CUX1: variants seen among roughly 807,000 people sequenced by gnomAD.
CUX1 encodes the protein protein CASP.
In CUX1, 31 loss-of-function variants were observed where a neutral mutation model predicts 158.8. The ratio of observed to expected loss-of-function variants is 0.20; its 90% CI spans 0.15 to 0.26. The LOEUF is 0.26. Among genes scored for constraint, CUX1 ranks in the 10% least tolerant of loss-of-function variants. The probability of loss-of-function intolerance (pLI) is 1.00; values close to 1 mark genes in which losing one functional copy is unlikely to be tolerated. For missense variants in CUX1, 1,589 were observed against 2,014.6 expected, an observed-to-expected ratio of 0.79 and a Z score of 4.04; for synonymous variants, 879 against 862.1, an observed-to-expected ratio of 1.02 and a Z score of -0.34.
rs530119104 is a variant in CUX1, at chr7:102,219,571, G to A, written c.3131-7796G>A. On this transcript the variant is annotated intron_variant, in intron 20 of 23. Coordinates refer to ENST00000292535, the MANE Select transcript of CUX1 (RefSeq NM_181552.4). ...AATTGGACCTTCGCGTCGGCCCCCC[G>A]CTGGCGTCAGGCATAGCTGCTCACC... Among the ~76,000 whole-genome samples, 14 of 152,318 alleles carry A rather than the reference G, an allele frequency of 9.2e-5. 1 individual carries two copies. The South Asian group carries it at 1.9e-3, about 20-fold the overall frequency.
intron 2 of CUX1, among the ~76,000 whole-genome samples, chr7:101,969,190 C>T (rs1291683218): frequency 1.3e-5 from 2 of 151,520 alleles, no homozygotes; most frequent in Non-Finnish European, 2.9e-5. Context: ...AAAAAATTAG[C>T]TGAGCGTGGT....
At chr7:102,232,293 C>T (rs1421709854) in intron 21 of CUX1, among the ~76,000 whole-genome samples, 1 of 151,994 alleles carries the variant, frequency 6.6e-6, no homozygotes, top group Non-Finnish European at 1.5e-5. Flanking sequence ...CCAGCCTGGG[C>T]AATATAGCGA....
intron 2 of CUX1, among the ~76,000 whole-genome samples, chr7:101,951,010 A>G (rs911536622): frequency 6.6e-5 from 10 of 152,146 alleles, no homozygotes; most frequent in African/African-American, 1.9e-4. Flanking sequence ...CCAAGATACA[A>G]TTCTGATTGA....
chr7:102,277,561 T>C lies in CUX1; in HGVS notation c.1564-388T>C, dbSNP rs991882375. ...CAGTGAGCCGAGATTGATTGCGTCG[T>C]TGCACTCCAGCCTGGGCAACAAGAG... On this transcript the variant is annotated intron_variant, in intron 17 of 22. Transcript: ENST00000292538. Among the ~76,000 whole-genome samples, 7 of 151,916 alleles carry C rather than the reference T, an allele frequency of 4.6e-5. No homozygotes were observed. The East Asian group carries it at 1.4e-3, about 29-fold the overall frequency.
intron 1 of CUX1, among the ~76,000 whole-genome samples, chr7:101,833,817 CTG>C (rs1224999547): frequency 1.3e-5 from 2 of 152,062 alleles, no homozygotes; most frequent in African/African-American, 2.4e-5. Context: ...TGGTTTTATT[CTG>C]TGTTAGGAGG....
chr7:102,198,657 GA>G (rs1795058488), intron 15 of CUX1, 144 bp from the exon 16 acceptor site: 2 of 676,824 alleles, frequency 3.0e-6, no homozygotes. Context: ...CCTCTCAGAA[GA>G]TTCTAGAAAC....
At chr7:102,220,089 G>C (rs1797658344) in intron 20 of CUX1, among the ~76,000 whole-genome samples, 1 of 152,362 alleles carries the variant, frequency 6.6e-6, no homozygotes, top group East Asian at 1.9e-4. Flanking sequence ...GCCGGGCACA[G>C]TGGGATCACA....
chr7:101,943,484 G>C (rs550741213), intron 2 of CUX1, among the ~76,000 whole-genome samples: 1 of 152,034 alleles, frequency 6.6e-6, no homozygotes, highest in South Asian at 2.1e-4. Context: ...GCTCTCCCGC[G>C]CGGCGGCGGC....
Position 102,198,809 on chromosome 7 carries a change from A to G in CUX1, c.1902A>G (p.Pro634=), listed in dbSNP as rs1554519016. ...RSIQGRQREN[P]GQSLNRLFQE... ...ACACTTGTTTTTCAACAGAGAATCCAGGCCAGAGCCTGAACAGACTATTTC... is the reference window on the plus strand; with the variant it reads ...ACACTTGTTTTTCAACAGAGAATCCGGGCCAGAGCCTGAACAGACTATTTC... The change falls in exon 16 of 24, where the codon CCA becomes CCG. Residue 634 remains proline, a synonymous_variant. Transcript: ENST00000292535. 1 of 1,614,184 alleles carries G rather than the reference A, an allele frequency of 6.2e-7. No individual in the cohort carries two copies. The highest frequency in any genetic ancestry group is 1.1e-5 in the South Asian group (1 of 91,080).
At chr7:102,027,598 C>T (rs1222752294) in intron 2 of CUX1, among the ~76,000 whole-genome samples, 1 of 151,870 alleles carries the variant, frequency 6.6e-6, no homozygotes, top group African/African-American at 2.4e-5. Flanking sequence ...CGGTGGCTCA[C>T]ACCTGTAATC....
chr7:102,069,887 G>T (rs1437839713), intron 3 of CUX1, among the ~76,000 whole-genome samples: 2 of 152,196 alleles, frequency 1.3e-5, no homozygotes, highest in African/African-American at 4.8e-5. Context: ...ACTGCCTGAA[G>T]TTCCCTTCTG....
At position 101,916,177 on chromosome 7, in the gene CUX1, A is replaced by G. The variant is rs1209222698; in HGVS notation, c.93A>G (p.Arg31=). 3 of 1,614,084 alleles carry G rather than the reference A, an allele frequency of 1.9e-6. No homozygotes were observed. In the East Asian group the frequency reaches 6.7e-5, roughly 36 times the overall value. The change falls in exon 2 of 24, where the codon AGA becomes AGG. Residue 31 remains arginine, a synonymous_variant. Coordinates refer to ENST00000292535, the MANE Select transcript of CUX1 (RefSeq NM_181552.4). The surrounding 1 kb of genome is among the most constrained non-coding windows in gnomAD (Gnocchi z 4.4). ...GGCAGGATGAAAGTGAGCAGTCCAG[A>G]AAGCGGCTTATCGAACAGAGCCGGG... The part of the protein sequence containing the change: ...ANRQDESEQS[R]KRLIEQSREF...
chr7:102,065,753 C>T (rs10268506), intron 3 of CUX1, among the ~76,000 whole-genome samples: 20,971 of 151,464 alleles, frequency 0.14, 3,252 homozygotes, highest in African/African-American at 0.39. Flanking sequence ...GTTTTTATGC[C>T]GGTTTAGATA....
intron 4 of CUX1, among the ~76,000 whole-genome samples, chr7:102,077,726 G>A (rs372321): frequency 0.17 from 25,713 of 152,024 alleles, 2,304 homozygotes; most frequent in Non-Finnish European, 0.18. Flanking sequence ...ACCCTCTCAG[G>A]TAGCTGGGAA....
At chr7:102,231,061 G>A (rs113484852) in intron 21 of CUX1, among the ~76,000 whole-genome samples, 28,796 of 132,634 alleles carry the variant, frequency 0.22, 3,439 homozygotes, top group Middle Eastern at 0.31. Context: ...ATGGAGTCTC[G>A]CTCTGTTGCC....
chr7:101,937,307 C>T (rs939872593), intron 2 of CUX1, among the ~76,000 whole-genome samples: 29 of 152,124 alleles, frequency 1.9e-4, no homozygotes, highest in Admixed American at 1.8e-3. Context: ...ATGTTTAGAC[C>T]TAAAAGCCAT....
chr7:101,899,082 C>G (rs981881393), intron 1 of CUX1, among the ~76,000 whole-genome samples: 2 of 152,224 alleles, frequency 1.3e-5, no homozygotes, highest in African/African-American at 4.8e-5. Flanking sequence ...CCAAGGCTGC[C>G]TGGTCCAAGT....
intron 2 of CUX1, among the ~76,000 whole-genome samples, chr7:101,958,485 T>TC (rs1489996598): frequency 6.9e-6 from 1 of 145,184 alleles, no homozygotes; most frequent in Non-Finnish European, 1.5e-5. Flanking sequence ...TTTTCTTTTT[T>TC]TTTTTTTTTT....
intron 2 of CUX1, among the ~76,000 whole-genome samples, chr7:101,984,089 A>AAAAAAAAAAAAAAAATAT: frequency 3.4e-5 from 1 of 29,844 alleles, no homozygotes; most frequent in Non-Finnish European, 7.0e-5. Flanking sequence ...AAAAAAAAAA[A>AAAAAAAAAAAAAAAATAT]ATATATATAT....
Sources: allele counts gnomAD v4.1 joint callset (sites outside exome capture counted in the v4.1 genomes callset), GRCh38; gene constraint gnomAD v4.1.1; non-coding constraint Gnocchi (gnomAD v3.1); transcripts MANE v1.5; gene names NCBI Gene and HGNC (gene_info 2026-07-23, HGNC 2026-07-21).